PPP3CA: variants seen among roughly 807,000 people sequenced by gnomAD.
The protein encoded by PPP3CA is CAM-PRP catalytic subunit.
PPP3CA carries 14 observed loss-of-function variants against 66.5 expected under a neutral mutation model. That is an observed-to-expected ratio of 0.21 (90% confidence interval 0.14 to 0.33). The LOEUF is 0.33. Ranked by LOEUF, PPP3CA falls within the 10% of genes least tolerant of loss-of-function variation. The probability of loss-of-function intolerance (pLI) is 1.00; values close to 1 mark genes in which losing one functional copy is unlikely to be tolerated. For synonymous variants in PPP3CA, 232 were observed against 226.2 expected (o/e 1.03, Z -0.23); for missense variants, 317 against 639.5 (o/e 0.50, Z 5.44).
At chr4:101,121,993 C>T (rs1722047055) in intron 2 of PPP3CA, among the ~76,000 whole-genome samples, 1 of 152,014 alleles carries the variant, frequency 6.6e-6, no homozygotes, top group African/African-American at 2.4e-5. Context: ...AGTTTAGAGG[C>T]TCTCTAGCAT....
Position 101,346,971 on chromosome 4 carries a change from G to T in PPP3CA, c.-175C>A. 1 of 692,334 alleles carries T rather than the reference G, an allele frequency of 1.4e-6. No individual in the cohort carries two copies. 42.9% of individuals were successfully genotyped at this position (692,334 alleles called of 1,614,324 possible). A position where few individuals can be genotyped will look rare whatever the true frequency, so the allele number is the denominator to read the frequency against. ...TTTAAAGTTGCTGCCTTTTCCGCGC[G>T]TCCCTCCTCCGCCGCCGCCGCCTTC... On this transcript the variant is annotated 5_prime_UTR_variant, in exon 1 of 14. Transcript: ENST00000394854.
At chr4:101,233,833 T>C (rs1330734185) in intron 1 of PPP3CA, among the ~76,000 whole-genome samples, 2 of 151,620 alleles carry the variant, frequency 1.3e-5, no homozygotes, top group Non-Finnish European at 2.9e-5. Flanking sequence ...CTACACAAAC[T>C]AGGGTTTGTT....
chr4:101,041,460 A>C lies in PPP3CA; in HGVS notation c.1157-894T>G, dbSNP rs1414396084. ...TTTTTTTTTTTTTTTTTTGAGACAG[A>C]GTCTCGCTCTGTCACCCAGGCTGGA... On this transcript the variant is annotated intron_variant, in intron 10 of 13. Coordinates refer to ENST00000394854, the MANE Select transcript of PPP3CA (RefSeq NM_000944.5). Among the ~76,000 whole-genome samples the C allele has an allele frequency of 4.9e-4, 58 of 118,264 alleles. 1 individual carries two copies. Among genetic ancestry groups the C allele is most frequent in the Admixed American group, 7.5e-4 (7 of 9,294 alleles). 77.6% of individuals were successfully genotyped at this position (118,264 alleles called of 152,430 possible).
chr4:101,078,100 T>C (rs1043563168), intron 8 of PPP3CA, among the ~76,000 whole-genome samples: 1 of 152,066 alleles, frequency 6.6e-6, no homozygotes, highest in Non-Finnish European at 1.5e-5. Flanking sequence ...GAAAATGACT[T>C]TTAGGGACAT....
chr4:101,257,943 A>G (rs1726898380), intron 1 of PPP3CA, among the ~76,000 whole-genome samples: 1 of 152,134 alleles, frequency 6.6e-6, no homozygotes, highest in Non-Finnish European at 1.5e-5. Flanking sequence ...AAACAAATTT[A>G]TTAACATTAT....
intron 10 of PPP3CA, among the ~76,000 whole-genome samples, chr4:101,047,663 C>T (rs576216346): frequency 9.2e-5 from 14 of 151,988 alleles, no homozygotes; most frequent in Non-Finnish European, 1.8e-4. Context: ...TCCATGTGGC[C>T]CAGGCTGGAC....
At chr4:101,311,799 T>A (rs975473451) in intron 1 of PPP3CA, among the ~76,000 whole-genome samples, 3 of 152,084 alleles carry the variant, frequency 2.0e-5, no homozygotes, top group Admixed American at 2.0e-4. Flanking sequence ...AATGATACCA[T>A]CGCTCAGTAT....
chr4:101,254,989 C>T (rs1726792669), intron 1 of PPP3CA, among the ~76,000 whole-genome samples: 1 of 148,540 alleles, frequency 6.7e-6, no homozygotes, highest in Non-Finnish European at 1.5e-5. Context: ...ACGAAGGATG[C>T]CTTATCATGA....
intron 2 of PPP3CA, among the ~76,000 whole-genome samples, chr4:101,141,244 C>A (rs1002867657): frequency 3.9e-5 from 6 of 152,114 alleles, no homozygotes; most frequent in African/African-American, 1.4e-4. Context: ...GTGGCTCATG[C>A]CTGTAATCAC....
At chr4:101,193,701 AT>A in intron 2 of PPP3CA, among the ~76,000 whole-genome samples, 1 of 152,152 alleles carries the variant, frequency 6.6e-6, no homozygotes, top group East Asian at 1.9e-4. Context: ...AACATAATGA[AT>A]TTTTAGGGGA....
At chr4:101,324,298 A>T (rs73835932) in intron 1 of PPP3CA, among the ~76,000 whole-genome samples, 17,493 of 151,840 alleles carry the variant, frequency 0.12, 3,495 homozygotes, top group African/African-American at 0.4. Flanking sequence ...AGGGCAAATA[A>T]GCAGCAGAGC....
intron 1 of PPP3CA, among the ~76,000 whole-genome samples, chr4:101,334,541 A>G (rs1403212543): frequency 6.6e-6 from 1 of 152,224 alleles, no homozygotes; most frequent in Non-Finnish European, 1.5e-5. Flanking sequence ...TAGATTCAAC[A>G]TTACCCAAAA....
chr4:101,099,806 A>G lies in PPP3CA; in HGVS notation c.385-84T>C, dbSNP rs1730360920. 7.2e-6 allele frequency: 5 copies of G among 689,670 alleles called. No individual in the cohort carries two copies. In the South Asian group the frequency reaches 1.1e-4, roughly 15 times the overall value. 42.7% of individuals were successfully genotyped at this position (689,670 alleles called of 1,614,324 possible). On this transcript the variant is annotated intron_variant, in intron 3 of 13. Transcript: ENST00000394854. ...ATTGCTCACATATCATAAAGACATG[A>G]ATAAAATGTATTACCATGACCAAAA...
chr4:101,079,371 C>T (rs1275386322), intron 8 of PPP3CA, among the ~76,000 whole-genome samples: 2 of 151,468 alleles, frequency 1.3e-5, no homozygotes, highest in African/African-American at 2.4e-5. Flanking sequence ...CCTCCTGTTT[C>T]CATTTCTCTT....
Position 101,195,954 on chromosome 4 carries a change from T to G in PPP3CA, c.221A>C (p.Gln74Pro), listed in dbSNP as rs749393129. 1 of 1,614,036 alleles carries G rather than the reference T, an allele frequency of 6.2e-7. No homozygotes were observed. Among genetic ancestry groups the G allele is most frequent in the Non-Finnish European group, 8.5e-7 (1 of 1,179,946 alleles). The change falls in exon 2 of 14, where the codon CAG becomes CCG. Residue 74 changes from glutamine (Q) to proline (P), a missense_variant. Physicochemically the swap from Gln to Pro is moderately conservative, Grantham distance 76 (BLOSUM62 -1). Around this residue, in one of 3 missense-constraint regions of PPP3CA, gnomAD observed 76 missense variants for 99.5 expected, o/e 0.76. Coordinates refer to ENST00000394854, the MANE Select transcript of PPP3CA (RefSeq NM_000944.5). ...IITEGASILR[Q>P]EKNLLDIDAP... ...ATCAATATCCAGCAAATTTTTTTCC[T>G]GTCGAAGAATTGATGCACCCTCTGT...
At chr4:101,033,559 T>C (rs1005512122) in intron 11 of PPP3CA, among the ~76,000 whole-genome samples, 6 of 152,250 alleles carry the variant, frequency 3.9e-5, no homozygotes, top group African/African-American at 1.4e-4. Flanking sequence ...TTGAGGGCTC[T>C]ACTCTCAAAA....
chr4:101,332,458 G>A (rs1729418834), intron 1 of PPP3CA, among the ~76,000 whole-genome samples: 1 of 152,184 alleles, frequency 6.6e-6, no homozygotes, highest in South Asian at 2.1e-4. Flanking sequence ...AAATATCACA[G>A]AAACCAGCCA....
At chr4:101,129,992 A>C (rs1243021501) in intron 2 of PPP3CA, among the ~76,000 whole-genome samples, 1 of 152,118 alleles carries the variant, frequency 6.6e-6, no homozygotes, top group Non-Finnish European at 1.5e-5. Flanking sequence ...TAAGGAAGCT[A>C]AGAACATTGA....
intron 2 of PPP3CA, among the ~76,000 whole-genome samples, chr4:101,113,710 T>G (rs915623331): frequency 6.6e-6 from 1 of 152,112 alleles, no homozygotes; most frequent in South Asian, 2.1e-4. Context: ...ATCCAGGAGA[T>G]ACCCAAAAGG....
Sources: allele counts gnomAD v4.1 joint callset (sites outside exome capture counted in the v4.1 genomes callset), GRCh38; gene constraint gnomAD v4.1.1; regional missense constraint gnomAD v4.1.1; transcripts MANE v1.5; gene names NCBI Gene and HGNC (gene_info 2026-07-23, HGNC 2026-07-21).